Variants in GRIA1 observed in about 807,000 individuals in gnomAD.
GRIA1 encodes glutamate ionotropic receptor AMPA type subunit 1, also known as glutamate receptor 1.
Under a neutral mutation model 99.2 loss-of-function variants are expected in GRIA1, and 31 were observed. The ratio of observed to expected loss-of-function variants is 0.31; its 90% confidence interval spans 0.23 to 0.42. The LOEUF is 0.42. Among genes scored for constraint, GRIA1 ranks in the 10% least tolerant of loss-of-function variants. The pLI, the probability that GRIA1 is intolerant of heterozygous loss-of-function variation, is 1.00. For synonymous variants in GRIA1, 438 were observed against 432.4 expected, an observed-to-expected ratio of 1.01 and a Z score of -0.16; for missense variants, 782 against 1,157.5, an observed-to-expected ratio of 0.68 and a Z score of 4.71.
chr5:153,527,981 T>C (rs977584316), intron 2 of GRIA1, among the ~76,000 whole-genome samples: 3 of 152,230 alleles, frequency 2.0e-5, no homozygotes, highest in Non-Finnish European at 2.9e-5. Flanking sequence ...CATAGTTATA[T>C]ACATTTGTAA....
intron 11 of GRIA1, among the ~76,000 whole-genome samples, chr5:153,757,609 A>G (rs975124148): frequency 1.3e-5 from 2 of 152,184 alleles, no homozygotes; most frequent in African/African-American, 4.8e-5. Context: ...CTCAGCAAAG[A>G]CTTTGCAGAC....
At chr5:153,598,600 A>G (rs1488551964) in intron 2 of GRIA1, among the ~76,000 whole-genome samples, 2 of 152,148 alleles carry the variant, frequency 1.3e-5, no homozygotes, top group African/African-American at 4.8e-5. Flanking sequence ...GAGTTTGACA[A>G]TCTTACTTAT....
Position 153,698,133 on chromosome 5 carries a change from A to T in GRIA1, c.1224A>T (p.Thr408=). 3.8e-6 allele frequency: 6 copies of T among 1,598,240 alleles called. No homozygotes were observed. In the South Asian group the frequency reaches 6.6e-5, roughly 18 times the overall value. ...GGDNSSVQNR[T]YIVTTILEDP... is the part of the protein sequence containing the mutation. ...ATAATTCAAGTGTTCAGAACAGAACATACATCGTCACAACAATCCTAGTGA... is the reference window on the plus strand; with the variant it reads ...ATAATTCAAGTGTTCAGAACAGAACTTACATCGTCACAACAATCCTAGTGA... The change falls in exon 9 of 16, where the codon ACA becomes ACT. Residue 408 remains threonine (T), a synonymous_variant. Transcript: ENST00000285900.
intron 11 of GRIA1, among the ~76,000 whole-genome samples, chr5:153,749,097 AAAGAT>A (rs1762341407): frequency 6.6e-6 from 1 of 152,178 alleles, no homozygotes; most frequent in African/African-American, 2.4e-5. Context: ...GACAACCAGC[AAAGAT>A]AAGCCAACCT....
intron 1 of GRIA1, 129 bp from the exon 2 acceptor site, chr5:153,493,799 C>G: frequency 1.1e-6 from 1 of 893,902 alleles, no homozygotes; most frequent in Non-Finnish European, 1.7e-6. Context: ...GAACTCTCAT[C>G]TCTACCACTC....
chr5:153,609,857 A>G (rs1765824526), intron 2 of GRIA1, among the ~76,000 whole-genome samples: 1 of 152,112 alleles, frequency 6.6e-6, no homozygotes, highest in Admixed American at 6.5e-5. Flanking sequence ...CACCGAGCCC[A>G]GCCCAGACTC....
intron 11 of GRIA1, among the ~76,000 whole-genome samples, chr5:153,715,238 A>G (rs1376221696): frequency 1.3e-5 from 2 of 151,938 alleles, no homozygotes; most frequent in East Asian, 3.9e-4. Flanking sequence ...GCTCCAACCA[A>G]GCCAAGTTGT....
At chr5:153,680,617 C>G (rs1294194476) in intron 7 of GRIA1, among the ~76,000 whole-genome samples, 1 of 152,152 alleles carries the variant, frequency 6.6e-6, no homozygotes, top group African/African-American at 2.4e-5. Context: ...TAGTAATCAT[C>G]CCTCTTGGTC....
intron 11 of GRIA1, among the ~76,000 whole-genome samples, chr5:153,759,164 C>CAA (rs112082035): frequency 0.13 from 18,072 of 139,316 alleles, 1,187 homozygotes; most frequent in Middle Eastern, 0.28. Flanking sequence ...CTTCAAAGAC[C>CAA]AAAAAAAAAA....
intron 8 of GRIA1, among the ~76,000 whole-genome samples, chr5:153,690,898 C>A (rs1413688265): frequency 6.6e-6 from 1 of 152,150 alleles, no homozygotes; most frequent in Non-Finnish European, 1.5e-5. Flanking sequence ...AGCCTCCTAA[C>A]AAAGTAATTT....
intron 2 of GRIA1, among the ~76,000 whole-genome samples, chr5:153,625,576 T>C (rs1291645646): frequency 6.6e-6 from 1 of 152,164 alleles, no homozygotes; most frequent in Non-Finnish European, 1.5e-5. Context: ...AACAAGTGTA[T>C]TGATATACCA....
At chr5:153,801,876 A>G (rs1253199824) in intron 14 of GRIA1, among the ~76,000 whole-genome samples, 1 of 146,224 alleles carries the variant, frequency 6.8e-6, no homozygotes, top group East Asian at 2.4e-4. Context: ...TGTAAGTACC[A>G]ACTCTCAGAA....
Position 153,642,275 on chromosome 5 carries a change from G to A in GRIA1, c.221-4653G>A, listed in dbSNP as rs567120835. On this transcript the variant is annotated intron_variant, in intron 2 of 15. Coordinates refer to ENST00000285900, the MANE Select transcript of GRIA1 (RefSeq NM_000827.4). ...CAAGCTCTGTCGTCAGACTGGTAGAGGTCATCTCTCAACTTGCCTTGTGCT... is the reference window on the plus strand; with the variant it reads ...CAAGCTCTGTCGTCAGACTGGTAGAAGTCATCTCTCAACTTGCCTTGTGCT... 5.3e-5 allele frequency among the ~76,000 whole-genome samples: 8 copies of A among 152,232 alleles called. No homozygotes were observed. In the South Asian group the frequency reaches 1.5e-3, roughly 28 times the overall value.
chr5:153,690,217 C>T (rs918411173), intron 8 of GRIA1, among the ~76,000 whole-genome samples: 1 of 151,600 alleles, frequency 6.6e-6, no homozygotes, highest in African/African-American at 2.4e-5. Context: ...GAATCACTGG[C>T]AACTACTAAG....
intron 12 of GRIA1, among the ~76,000 whole-genome samples, chr5:153,769,291 C>T (rs1290940295): frequency 6.6e-6 from 1 of 152,142 alleles, no homozygotes; most frequent in Non-Finnish European, 1.5e-5. Flanking sequence ...CTCAGAATTG[C>T]TGAATCAGAA....
chr5:153,723,938 C>T (rs1011119190), intron 11 of GRIA1, among the ~76,000 whole-genome samples: 1 of 152,216 alleles, frequency 6.6e-6, no homozygotes, highest in Non-Finnish European at 1.5e-5. Context: ...GGCAGACTGC[C>T]TCCTCAAGTG....
At chr5:153,536,696 T>G (rs1758605146) in intron 2 of GRIA1, among the ~76,000 whole-genome samples, 1 of 152,200 alleles carries the variant, frequency 6.6e-6, no homozygotes, top group Non-Finnish European at 1.5e-5. Context: ...AGAAAAACCT[T>G]AACTTTTGTG....
At chr5:153,792,830 C>T (rs1331956167) in intron 13 of GRIA1, among the ~76,000 whole-genome samples, 1 of 151,978 alleles carries the variant, frequency 6.6e-6, no homozygotes, top group African/African-American at 2.4e-5. Flanking sequence ...CATAAAGGTA[C>T]CTAAAAGACT....
chr5:153,790,709 C>T (rs1765243172), intron 13 of GRIA1, among the ~76,000 whole-genome samples: 1 of 152,040 alleles, frequency 6.6e-6, no homozygotes. Flanking sequence ...AGGAAGTTGC[C>T]AGCAGATGGT....
Sources: allele counts gnomAD v4.1 joint callset (sites outside exome capture counted in the v4.1 genomes callset), GRCh38; gene constraint gnomAD v4.1.1; transcripts MANE v1.5; gene names NCBI Gene and HGNC (gene_info 2026-07-23, HGNC 2026-07-21).